Variants in KDM4A observed in about 807,000 individuals in gnomAD.
KDM4A encodes lysine demethylase 4A, also known as lysine-specific demethylase 4A.
KDM4A carries 23 observed loss-of-function variants against 127.1 expected under a neutral mutation model. The observed-to-expected ratio is 0.18, with a 90% CI of 0.13 to 0.26. The LOEUF (loss-of-function observed/expected upper bound fraction) is 0.26. KDM4A is among the 10% of genes least tolerant of loss of function. The pLI is 1.00. For missense variants in KDM4A, 890 were observed against 1,329.1 expected, an observed-to-expected ratio of 0.67 and a Z score of 5.14; for synonymous variants, 443 against 466.5, an observed-to-expected ratio of 0.95 and a Z score of 0.65.
chr1:43,685,610 T>C (rs1660955547), intron 12 of KDM4A, among the ~76,000 whole-genome samples: 1 of 151,824 alleles, frequency 6.6e-6, no homozygotes, highest in Non-Finnish European at 1.5e-5. Flanking sequence ...CTACTAAAAA[T>C]ACAAAAAATT....
intron 16 of KDM4A, 136 bp downstream of exon 16, chr1:43,692,447 T>A: frequency 1.4e-6 from 1 of 725,744 alleles, no homozygotes; most frequent in Non-Finnish European, 2.3e-6. Flanking sequence ...AGGAATAGCA[T>A]CTCCAAGACT....
At chr1:43,691,467 T>A in intron 14 of KDM4A, 29 bp from the exon 15 acceptor site, 1 of 1,584,646 alleles carries the variant, frequency 6.3e-7, no homozygotes, top group South Asian at 1.1e-5. Context: ...CCACTGGGTT[T>A]AATTTGCTCA....
At chr1:43,674,611 G>A (rs966232230) in intron 11 of KDM4A, among the ~76,000 whole-genome samples, 5 of 151,770 alleles carry the variant, frequency 3.3e-5, no homozygotes, top group African/African-American at 1.2e-4. Context: ...CCACCTCCTG[G>A]GTTCAAGTGA....
chr1:43,660,313 C>T lies in KDM4A; in HGVS notation c.330C>T (p.Arg110=). The change falls in exon 4 of 22, where the codon CGC becomes CGT. Residue 110 remains arginine, a synonymous_variant. Transcript: ENST00000372396. ...IANSDKYCTP[R]YSEFEELERK... ...TTTCAAAAAGGTACTGTACCCCACGCTATAGTGAGTTTGAAGAGCTCGAGC... is the reference window on the plus strand; with the variant it reads ...TTTCAAAAAGGTACTGTACCCCACGTTATAGTGAGTTTGAAGAGCTCGAGC... 1 of 1,614,028 alleles carries T rather than the reference C, an allele frequency of 6.2e-7. No individual in the cohort carries two copies. Among genetic ancestry groups the T allele is most frequent in the Non-Finnish European group, 8.5e-7 (1 of 1,179,978 alleles).
At chr1:43,661,346 C>T (rs891970227) in intron 4 of KDM4A, among the ~76,000 whole-genome samples, 4 of 151,584 alleles carry the variant, frequency 2.6e-5, no homozygotes, top group African/African-American at 9.7e-5. Context: ...TGGTGGCTCA[C>T]ATCTGTAATC....
chr1:43,667,516 A>C (rs1053218753), intron 8 of KDM4A, among the ~76,000 whole-genome samples: 1 of 152,152 alleles, frequency 6.6e-6, no homozygotes, highest in African/African-American at 2.4e-5. Flanking sequence ...TGCAGAGCCT[A>C]ACCACCCTCT....
intron 9 of KDM4A, among the ~76,000 whole-genome samples, chr1:43,668,444 C>T (rs1002406892): frequency 2.6e-5 from 4 of 152,108 alleles, no homozygotes; most frequent in African/African-American, 9.7e-5. Flanking sequence ...TCTAAGATGC[C>T]GTTTGTGCCT....
intron 13 of KDM4A, among the ~76,000 whole-genome samples, 171 bp downstream of exon 13, chr1:43,689,266 G>A (rs1357670945): frequency 1.3e-5 from 2 of 152,240 alleles, no homozygotes; most frequent in Non-Finnish European, 2.9e-5. Context: ...AGATAACCCA[G>A]CAACGTGGGT....
At chr1:43,666,872 C>T in intron 7 of KDM4A, 82 bp from the exon 8 acceptor site, 2 of 1,419,614 alleles carry the variant, frequency 1.4e-6, no homozygotes, top group East Asian at 2.3e-5. Context: ...TGTTACTCAG[C>T]TAAGTTGTGG....
chr1:43,704,347 C>T lies in KDM4A; in HGVS notation c.3172C>T (p.Leu1058=). 6.2e-7 allele frequency: 1 copy of T among 1,613,738 alleles called. No individual in the cohort carries two copies. The highest frequency in any genetic ancestry group is 1.3e-5 in the African/African-American group (1 of 75,040). ...RYREDYIEPA[L]YRAIME ...CCGGGAAGATTATATTGAGCCTGCACTATACCGGGCCATCATGGAGTAGGT... is the reference window on the plus strand; with the variant it reads ...CCGGGAAGATTATATTGAGCCTGCATTATACCGGGCCATCATGGAGTAGGT... The change falls in exon 22 of 22, where the codon CTA becomes TTA. Residue 1058 remains leucine, a synonymous_variant. Coordinates refer to ENST00000372396, the MANE Select transcript of KDM4A (RefSeq NM_014663.3).
At chr1:43,677,902 A>T (rs1660778206) in intron 11 of KDM4A, among the ~76,000 whole-genome samples, 1 of 152,184 alleles carries the variant, frequency 6.6e-6, no homozygotes, top group Non-Finnish European at 1.5e-5. Flanking sequence ...CCAATTAGGA[A>T]CCTGTTTCTT....
At chr1:43,663,997 A>C (rs1275302144) in intron 5 of KDM4A, among the ~76,000 whole-genome samples, 1 of 152,036 alleles carries the variant, frequency 6.6e-6, no homozygotes, top group Non-Finnish European at 1.5e-5. Context: ...TGAGATACCT[A>C]CCCTCACACA....
chr1:43,703,965 G>T, intron 20 of KDM4A, 55 bp from the exon 21 acceptor site: 1 of 1,494,922 alleles, frequency 6.7e-7, no homozygotes, highest in South Asian at 1.1e-5. Flanking sequence ...GTGCATGGTG[G>T]ACCAGGGAAA....
intron 11 of KDM4A, among the ~76,000 whole-genome samples, chr1:43,676,928 T>C (rs1660753876): frequency 6.6e-6 from 1 of 152,200 alleles, no homozygotes; most frequent in Non-Finnish European, 1.5e-5. Context: ...AAACACTAGG[T>C]CTTATTTCTT....
chr1:43,684,511 A>C (rs1660926505), intron 12 of KDM4A, among the ~76,000 whole-genome samples: 1 of 152,128 alleles, frequency 6.6e-6, no homozygotes, highest in Non-Finnish European at 1.5e-5. Flanking sequence ...TCAAAAAAAA[A>C]CAGAAGAGGT....
rs1380152914 is a variant in KDM4A, at chr1:43,692,134, C to A, written c.2320-122C>A. ...GTGCAGGGGCTGCCTGGGTGAAGCC[C>A]CACATGCTATTATGCTTCTTTCTTA... On this transcript the variant is annotated intron_variant, in intron 15 of 21. Coordinates refer to ENST00000372396, the MANE Select transcript of KDM4A (RefSeq NM_014663.3). 1.0e-5 allele frequency: 9 copies of A among 889,926 alleles called. No homozygotes were observed. In the East Asian group the frequency reaches 2.2e-4, roughly 22 times the overall value. 55.1% of individuals were successfully genotyped at this position (889,926 alleles called of 1,614,324 possible). A position where few individuals can be genotyped will look rare whatever the true frequency, so the allele number is the denominator to read the frequency against.
At chr1:43,679,289 G>C (rs949864079) in intron 11 of KDM4A, among the ~76,000 whole-genome samples, 2 of 152,170 alleles carry the variant, frequency 1.3e-5, no homozygotes, top group African/African-American at 4.8e-5. Flanking sequence ...GGTCCAGAGG[G>C]CTTGGCCTAT....
chr1:43,686,574 T>G lies in KDM4A; in HGVS notation c.1856-2340T>G, dbSNP rs577855243. Among the ~76,000 whole-genome samples the G allele has an allele frequency of 9.2e-5, 14 of 152,080 alleles. No homozygotes were observed. In the East Asian group the frequency reaches 2.7e-3, roughly 29 times the overall value. On this transcript the variant is annotated intron_variant, in intron 12 of 21. Transcript: ENST00000372396. Reference sequence around the variant, plus strand: ...CTTGTCTCGAACTCCTGACCTCAAGTGATCTGCCCGCTTCAGCCTCCCAAA... The same window carrying G: ...CTTGTCTCGAACTCCTGACCTCAAGGGATCTGCCCGCTTCAGCCTCCCAAA...
intron 11 of KDM4A, among the ~76,000 whole-genome samples, chr1:43,675,352 C>T (rs1239670531): frequency 6.6e-6 from 1 of 152,208 alleles, no homozygotes; most frequent in African/African-American, 2.4e-5. Context: ...CATTCCAGTA[C>T]TTAATGATAC....
Sources: gnomAD v4.1 joint callset for allele counts (sites outside exome capture counted in the v4.1 genomes callset) on GRCh38, gnomAD v4.1.1 for gene constraint, MANE v1.5 for transcripts, NCBI Gene and HGNC (gene_info 2026-07-23, HGNC 2026-07-21) for gene names.